ARRDC2: variants seen among roughly 807,000 people sequenced by gnomAD.
The protein encoded by ARRDC2 is arrestin domain-containing protein 2.
A neutral mutation model predicts 38.9 loss-of-function variants in ARRDC2; 39 were observed. The ratio of observed to expected loss-of-function variants is 1.00; its 90% CI spans 0.78 to 1.31. ARRDC2 has a LOEUF of 1.31. Ranked by LOEUF, ARRDC2 falls within the 50% of genes most tolerant of loss-of-function variation. The probability of loss-of-function intolerance (pLI) is 0.00; values close to 1 mark genes in which losing one functional copy is unlikely to be tolerated. For synonymous variants in ARRDC2, 300 were observed against 261.9 expected (o/e 1.15, Z -1.41); for missense variants, 553 against 588.4 (o/e 0.94, Z 0.62).
At chr19:18,001,882 GGGCTGA>G (rs1020734592) in intron 1 of ARRDC2, among the ~76,000 whole-genome samples, 1 of 152,128 alleles carries the variant, frequency 6.6e-6, no homozygotes, top group Admixed American at 6.5e-5. Context: ...AGGTTGTAAT[GGGCTGA>G]GATCGCACCA....
upstream of ARRDC2, chr19:18,008,126 C>CG (rs2033318683): frequency 1.1e-6 from 1 of 907,748 alleles, no homozygotes; most frequent in Non-Finnish European, 1.5e-6. Flanking sequence ...ACCCCACCCC[C>CG]CCCCGCCCTG....
chr19:18,008,116 A>ACGGCC, upstream of ARRDC2: 10 of 522,498 alleles, frequency 1.9e-5, no homozygotes, highest in Non-Finnish European at 2.6e-5. Context: ...AGAGACGGTG[A>ACGGCC]CCCCACCCCC....
upstream of ARRDC2, among the ~76,000 whole-genome samples, chr19:18,003,664 GA>G (rs34268297): frequency 0.17 from 25,456 of 150,604 alleles, 2,295 homozygotes; most frequent in African/African-American, 0.22. Flanking sequence ...TTGGGGGACG[GA>G]GTCTCCCTCT....
chr19:18,002,587 C>G (rs914083604), intron 1 of ARRDC2, among the ~76,000 whole-genome samples: 1 of 152,204 alleles, frequency 6.6e-6, no homozygotes, highest in East Asian at 1.9e-4. Flanking sequence ...CTCGACAGCC[C>G]CACTTTTTTC....
upstream of ARRDC2, among the ~76,000 whole-genome samples, chr19:18,005,008 TA>T (rs201334948): frequency 1.8e-4 from 26 of 145,406 alleles, no homozygotes; most frequent in Non-Finnish European, 3.3e-4. Context: ...AAAGCAAATT[TA>T]AAAAAAATTT....
chr19:18,008,364 G>A lies in ARRDC2; in HGVS notation c.54G>A (p.Ala18=), dbSNP rs369803137. 2.5e-6 allele frequency: 4 copies of A among 1,596,908 alleles called. No individual in the cohort carries two copies. The highest frequency in any genetic ancestry group is 1.1e-5 in the South Asian group (1 of 91,008). The change falls in exon 1 of 8, where the codon GCG becomes GCA. Residue 18 remains alanine, a synonymous_variant. Coordinates refer to ENST00000222250, the MANE Select transcript of ARRDC2 (RefSeq NM_015683.2). ...CGGTGCAGTTGGACGGCGCGACCGC[G>A]GGCGTCGAGCCCGTGTTTAGCGGCG... ...AFSVQLDGAT[A]GVEPVFSGGQ... is the part of the protein sequence containing the mutation.
intron 4 of ARRDC2, 28 bp from the exon 5 acceptor site, chr19:18,009,755 A>G (rs769129858): frequency 1.9e-6 from 3 of 1,612,760 alleles, no homozygotes; most frequent in South Asian, 2.2e-5. Context: ...AGGAGGGGAA[A>G]CTGAGGCCCC....
chr19:18,011,950 A>ATTT (rs1239463997), intron 7 of ARRDC2, among the ~76,000 whole-genome samples: 53 of 56,590 alleles, frequency 9.4e-4, no homozygotes, highest in African/African-American at 2.4e-3. Flanking sequence ...ATATATATAT[A>ATTT]TATTTTTTTT....
upstream of ARRDC2, among the ~76,000 whole-genome samples, chr19:18,006,006 C>T (rs953380524): frequency 4.0e-5 from 6 of 149,506 alleles, no homozygotes; most frequent in Non-Finnish European, 7.4e-5. Flanking sequence ...GGGGCAGAGG[C>T]GCTCCCCACA....
chr19:18,006,927 C>G (rs1181805995), upstream of ARRDC2, among the ~76,000 whole-genome samples: 1 of 152,238 alleles, frequency 6.6e-6, no homozygotes, highest in Non-Finnish European at 1.5e-5. Context: ...CCTTTCAACT[C>G]CAAAGACCCA....
upstream of ARRDC2, chr19:18,007,256 T>C (rs2033298839): frequency 1.3e-5 from 2 of 152,246 alleles, no homozygotes; most frequent in East Asian, 3.9e-4. Flanking sequence ...GGTCACGCCG[T>C]CCCGTGGCCA....
chr19:18,001,896 C>T (rs73922751), intron 1 of ARRDC2, among the ~76,000 whole-genome samples: 29,417 of 152,040 alleles, frequency 0.19, 3,051 homozygotes, highest in East Asian at 0.37. Context: ...TGAGATCGCA[C>T]CACTGCACTC....
rs1032641771 is a variant in ARRDC2, at chr19:18,009,535, A to G, written c.490-57A>G. ...GCTGGGGGTGGTTTGGAAGCTCCAC[A>G]GCGACTGTGGTTTGCACAAAGTGAC... On this transcript the variant is annotated intron_variant, in intron 3 of 7. Coordinates refer to ENST00000222250, the MANE Select transcript of ARRDC2 (RefSeq NM_015683.2). 4.7e-6 allele frequency: 7 copies of G among 1,492,718 alleles called. No individual in the cohort carries two copies. In the African/African-American group the frequency reaches 9.8e-5, roughly 21 times the overall value. 92.5% of individuals were successfully genotyped at this position (1,492,718 alleles called of 1,614,324 possible). A position where few individuals can be genotyped will look rare whatever the true frequency, so the allele number is the denominator to read the frequency against.
chr19:18,010,183 T>C lies in ARRDC2; in HGVS notation c.850-13T>C, dbSNP rs775436964. On this transcript the variant is annotated splice_polypyrimidine_tract_variant and intron_variant, in intron 5 of 7. Transcript: ENST00000222250. ...GCTGCCTGGGCACCCTCCCTTATGGTTCCTTCCTCCAGGTCTGTGTGGATA... is the reference window on the plus strand; with the variant it reads ...GCTGCCTGGGCACCCTCCCTTATGGCTCCTTCCTCCAGGTCTGTGTGGATA... 1 of 1,611,298 alleles carries C rather than the reference T, an allele frequency of 6.2e-7. No homozygotes were observed. The highest frequency in any genetic ancestry group is 2.2e-5 in the East Asian group (1 of 44,836).
chr19:18,003,525 A>C (rs2033218264), upstream of ARRDC2, among the ~76,000 whole-genome samples: 1 of 151,080 alleles, frequency 6.6e-6, no homozygotes, highest in East Asian at 2.0e-4. Context: ...CGCCGGCGCA[A>C]TCTTGGCTCA....
At chr19:18,010,491 CACAA>C in intron 6 of ARRDC2, 77 bp from the exon 7 acceptor site, 12 of 1,564,898 alleles carry the variant, frequency 7.7e-6, no homozygotes, top group Non-Finnish European at 9.5e-6. Flanking sequence ...CCAGAGCTGG[CACAA>C]GCCAGCTCCT....
In ARRDC2 at chr19:18,009,855, T is replaced by G; in HGVS notation, c.665T>G (p.Val222Gly). The change falls in exon 5 of 8, where the codon GTG (valine) becomes GGG (glycine). Residue 222 changes from valine (V) to glycine (G), a missense_variant. Physicochemically the swap from Val to Gly is moderately radical, Grantham distance 109 (BLOSUM62 -3). Around this residue, in one of 3 missense-constraint regions of ARRDC2, gnomAD observed 447 missense variants for 456.6 expected, o/e 0.98. Transcript: ENST00000222250. ...CCTGTGCTGCCTCGGGCAGCCGTGG[T>G]GCAGACACAGACGTTCATGGCCCGA... is the stretch of plus-strand genomic sequence containing the variant. ...TRPVLPRAAV[V>G]QTQTFMARGA... 6.2e-7 allele frequency: 1 copy of G among 1,612,246 alleles called. No homozygotes were observed. The highest frequency in any genetic ancestry group is 2.2e-5 in the East Asian group (1 of 44,870).
chr19:18,008,115 G>GGGGGGCCCCC, upstream of ARRDC2: 1 of 810,032 alleles, frequency 1.2e-6, no homozygotes, highest in Non-Finnish European at 1.7e-6. Flanking sequence ...AAGAGACGGT[G>GGGGGGCCCCC]ACCCCACCCC....
At position 18,013,019 on chromosome 19, in the gene ARRDC2, A is replaced by G; in HGVS notation, c.*53A>G. The G allele has an allele frequency of 1.3e-6, 2 of 1,590,700 alleles. No homozygotes were observed. Among genetic ancestry groups the G allele is most frequent in the East Asian group, 2.2e-5 (1 of 44,606 alleles). On this transcript the variant is annotated 3_prime_UTR_variant, in exon 8 of 8. Transcript: ENST00000222250. ...GGTTGCACACCAGCTTTCAGCCACC[A>G]TGACTGTGGGGAGTGGCTGGACCAA...
Sources: allele counts gnomAD v4.1 joint callset (sites outside exome capture counted in the v4.1 genomes callset), GRCh38; gene constraint gnomAD v4.1.1; regional missense constraint gnomAD v4.1.1; transcripts MANE v1.5; gene names NCBI Gene and HGNC (gene_info 2026-07-23, HGNC 2026-07-21).